The following SLC1A3 variants were observed in gnomAD, a reference collection of about 807,000 sequenced individuals.
The protein encoded by SLC1A3 is solute carrier family 1 member 3, also known as excitatory amino acid transporter 1.
SLC1A3 carries 21 observed loss-of-function variants against 48.1 expected under a neutral mutation model. The ratio of observed to expected loss-of-function variants is 0.44; its 90% confidence interval spans 0.31 to 0.63. The LOEUF (loss-of-function observed/expected upper bound fraction) is 0.63, where lower values mean the gene tolerates loss of function less well. Among genes scored for constraint, SLC1A3 ranks in the 20% least tolerant of loss-of-function variants. The pLI is 0.08. For synonymous variants in SLC1A3, 239 were observed against 251.4 expected (o/e 0.95, Z 0.47); for missense variants, 546 against 689.0 (o/e 0.79, Z 2.32).
intron 3 of SLC1A3, among the ~76,000 whole-genome samples, chr5:36,646,880 G>T (rs1388018712): frequency 6.6e-6 from 1 of 152,160 alleles, no homozygotes; most frequent in Non-Finnish European, 1.5e-5. Flanking sequence ...ATTTTTGCAG[G>T]TGTAAGTCAT....
chr5:36,608,453 G>A lies in SLC1A3; in HGVS notation c.30G>A (p.Lys10=). The change falls in exon 2 of 10, where the codon AAG becomes AAA. Residue 10 remains lysine (K), a synonymous_variant. Transcript: ENST00000265113. MTKSNGEEP[K]MGGRMERFQQ... is the part of the protein sequence containing the mutation. ...CTAAAAGCAATGGAGAAGAGCCCAA[G>A]ATGGGGGGCAGGATGGAGAGATTCC... is the stretch of plus-strand genomic sequence containing the variant. 1 of 1,614,056 alleles carries A rather than the reference G, an allele frequency of 6.2e-7. No individual in the cohort carries two copies. The highest frequency in any genetic ancestry group is 8.5e-7 in the Non-Finnish European group (1 of 1,179,924).
chr5:36,680,374 G>A (rs1469594519), intron 7 of SLC1A3, 21 bp from the exon 8 acceptor site: 3 of 1,606,836 alleles, frequency 1.9e-6, no homozygotes, highest in East Asian at 4.5e-5. Flanking sequence ...CAGCTGATGT[G>A]CCCTATTTCA....
chr5:36,624,447 T>C (rs1739820423), intron 2 of SLC1A3, among the ~76,000 whole-genome samples: 1 of 152,200 alleles, frequency 6.6e-6, no homozygotes. Context: ...GTAACCCCTC[T>C]TTAAGCCTAC....
At chr5:36,633,323 G>A (rs775656252) in intron 3 of SLC1A3, among the ~76,000 whole-genome samples, 1 of 152,072 alleles carries the variant, frequency 6.6e-6, no homozygotes, top group South Asian at 2.1e-4. Context: ...CTGGAAGTGG[G>A]GAGCACAACT....
chr5:36,678,683 A>G (rs1742310659), intron 6 of SLC1A3, among the ~76,000 whole-genome samples: 1 of 152,170 alleles, frequency 6.6e-6, no homozygotes, highest in Non-Finnish European at 1.5e-5. Context: ...CACATATGAA[A>G]CAAACAGAAG....
rs548588140 is a variant in SLC1A3, at chr5:36,682,837, C to T, written c.1290-1027C>T. Among the ~76,000 whole-genome samples the T allele has an allele frequency of 6.2e-4, 94 of 152,262 alleles. 1 individual carries two copies. Among genetic ancestry groups the T allele is most frequent in the South Asian group, 1.9e-3 (9 of 4,828 alleles). On this transcript the variant is annotated intron_variant, in intron 8 of 9. Transcript: ENST00000265113. ...GAGGTTGGGAAGTGTAGTCTTCATT[C>T]TGGGGAGCCATATACCAGCTAAAAG...
chr5:36,669,858 G>A (rs1055969497), intron 3 of SLC1A3: 3 of 151,756 alleles, frequency 2.0e-5, no homozygotes, highest in African/African-American at 7.3e-5. Flanking sequence ...TGTGAACAGG[G>A]CCACTACCTG....
chr5:36,661,060 A>G (rs1257278242), intron 3 of SLC1A3, among the ~76,000 whole-genome samples: 1 of 152,202 alleles, frequency 6.6e-6, no homozygotes, highest in Admixed American at 6.5e-5. Flanking sequence ...CAAAGTGTGG[A>G]CCTGAATTTT....
In SLC1A3 at chr5:36,650,605, C is replaced by T. The variant is rs1169153636; in HGVS notation, c.320-20424C>T. Among the ~76,000 whole-genome samples, 6 of 152,282 alleles carry T rather than the reference C, an allele frequency of 3.9e-5. No homozygotes were observed. The East Asian group carries it at 7.7e-4, about 20-fold the overall frequency. On this transcript the variant is annotated intron_variant, in intron 3 of 9. Transcript: ENST00000265113. ...GTTGTCAGGTAAAATTAGTCTTCCA[C>T]AATCTGGATTTTGATGATTATGTCA... is the stretch of plus-strand genomic sequence containing the variant.
At chr5:36,676,398 T>C (rs1172157324) in intron 5 of SLC1A3, among the ~76,000 whole-genome samples, 1 of 152,242 alleles carries the variant, frequency 6.6e-6, no homozygotes, top group Non-Finnish European at 1.5e-5. Context: ...AGCACAACTG[T>C]TCTTGTTTCA....
intron 3 of SLC1A3, among the ~76,000 whole-genome samples, chr5:36,640,540 C>A (rs570488116): frequency 6.6e-6 from 1 of 152,120 alleles, no homozygotes; most frequent in South Asian, 2.1e-4. Context: ...GAAGAAATTT[C>A]CCCTAAATTA....
chr5:36,599,259 A>C (rs1251254928), intron 1 of SLC1A3, among the ~76,000 whole-genome samples: 1 of 152,194 alleles, frequency 6.6e-6, no homozygotes, highest in East Asian at 1.9e-4. Flanking sequence ...TTTCTCTGAA[A>C]ATGGTTAGGA....
At chr5:36,631,247 T>C (rs1579971749) in intron 3 of SLC1A3, among the ~76,000 whole-genome samples, 1 of 152,230 alleles carries the variant, frequency 6.6e-6, no homozygotes, top group Non-Finnish European at 1.5e-5. Context: ...GAAAATCCAA[T>C]GTGTTACTCT....
chr5:36,679,521 G>A (rs903625856), intron 6 of SLC1A3, 106 bp from the exon 7 acceptor site: 6 of 823,666 alleles, frequency 7.3e-6, no homozygotes, highest in Non-Finnish European at 1.3e-5. Flanking sequence ...GGGCAGGAAA[G>A]TTTGGCAGTC....
chr5:36,637,637 C>T (rs1050360650), intron 3 of SLC1A3, among the ~76,000 whole-genome samples: 11 of 152,146 alleles, frequency 7.2e-5, no homozygotes, highest in Non-Finnish European at 1.3e-4. Flanking sequence ...TGTGGAACTG[C>T]AGGTTTCTTC....
At chr5:36,631,003 C>T (rs1384035955) in intron 3 of SLC1A3, among the ~76,000 whole-genome samples, 1 of 152,162 alleles carries the variant, frequency 6.6e-6, no homozygotes, top group East Asian at 1.9e-4. Flanking sequence ...TATCCATATG[C>T]TGATATTTTT....
At chr5:36,674,159 C>G (rs1386748246) in intron 5 of SLC1A3, 68 bp downstream of exon 5, 35 of 1,190,928 alleles carry the variant, frequency 2.9e-5, no homozygotes, top group Admixed American at 8.5e-5. Context: ...AAGTGGGACC[C>G]TCTTTTCCCT....
chr5:36,602,725 G>C (rs548980640), upstream of SLC1A3, among the ~76,000 whole-genome samples: 3 of 152,120 alleles, frequency 2.0e-5, no homozygotes, highest in African/African-American at 4.8e-5. Flanking sequence ...AATCTATTTG[G>C]GGGGGTTCCT....
At chr5:36,610,786 A>T (rs1031364746) in intron 2 of SLC1A3, among the ~76,000 whole-genome samples, 1 of 152,200 alleles carries the variant, frequency 6.6e-6, no homozygotes, top group African/African-American at 2.4e-5. Context: ...AATTGCAATA[A>T]GAGTTGGCTG....
Sources: gnomAD v4.1 joint callset for allele counts (sites outside exome capture counted in the v4.1 genomes callset) on GRCh38, gnomAD v4.1.1 for gene constraint, MANE v1.5 for transcripts, NCBI Gene and HGNC (gene_info 2026-07-23, HGNC 2026-07-21) for gene names.